Variants in TERF2 observed in about 807,000 individuals in gnomAD.
TERF2 encodes telomeric repeat binding factor 2.
A neutral mutation model predicts 56.1 loss-of-function variants in TERF2; 16 were observed. The ratio of observed to expected loss-of-function variants is 0.29; its 90% CI spans 0.19 to 0.43. The LOEUF is 0.43. Ranked by LOEUF, TERF2 falls within the 20% of genes least tolerant of loss-of-function variation. The pLI is 1.00. For missense variants in TERF2, 547 were observed against 712.9 expected, an observed-to-expected ratio of 0.77 and a Z score of 2.65; for synonymous variants, 296 against 282.1, an observed-to-expected ratio of 1.05 and a Z score of -0.50.
chr16:69,365,320 G>C (rs1270248309), intron 7 of TERF2: 2 of 152,248 alleles, frequency 1.3e-5, no homozygotes, highest in African/African-American at 2.4e-5. Flanking sequence ...CATACAAGTA[G>C]TGGTGACATA....
At chr16:69,374,499 G>T (rs1458830344) in intron 3 of TERF2, among the ~76,000 whole-genome samples, 1 of 151,592 alleles carries the variant, frequency 6.6e-6, no homozygotes, top group East Asian at 1.9e-4. Flanking sequence ...GCGTGTGCCT[G>T]TGGTCCTAGC....
chr16:69,379,835 A>G (rs1278623320), intron 3 of TERF2, among the ~76,000 whole-genome samples: 1 of 152,206 alleles, frequency 6.6e-6, no homozygotes, highest in Non-Finnish European at 1.5e-5. Context: ...TCTCTTTAAT[A>G]TCTGGTTTAA....
chr16:69,385,550 C>G (rs1467589529), intron 1 of TERF2, 43 bp downstream of exon 1: 2 of 1,556,476 alleles, frequency 1.3e-6, no homozygotes, highest in African/African-American at 2.7e-5. Flanking sequence ...CCCGGACCCC[C>G]TTCCCCGGCG....
chr16:69,377,762 ACTTTT>A (rs1285985032), intron 3 of TERF2, among the ~76,000 whole-genome samples: 2 of 151,760 alleles, frequency 1.3e-5, no homozygotes, highest in African/African-American at 2.4e-5. Context: ...AATATGACTG[ACTTTT>A]CTTTTTTTAC....
At chr16:69,359,713 C>A (rs1330823145) in intron 8 of TERF2, among the ~76,000 whole-genome samples, 2 of 137,238 alleles carry the variant, frequency 1.5e-5, no homozygotes, top group African/African-American at 5.6e-5. Flanking sequence ...CTCCGCCTCC[C>A]GGGTTCAAGC....
Position 69,356,333 on chromosome 16 carries a change from C to G in TERF2, c.*565G>C. Reference sequence around the variant, plus strand: ...AGCAAACCACTAAAGAAGGGAAACGCTAATGATATTCTGGCACTGCACAAG... The same window carrying G: ...AGCAAACCACTAAAGAAGGGAAACGGTAATGATATTCTGGCACTGCACAAG... On this transcript the variant is annotated 3_prime_UTR_variant, in exon 10 of 10. Coordinates refer to ENST00000254942, the MANE Select transcript of TERF2 (RefSeq NM_005652.5). 2.1e-5 allele frequency: 8 copies of G among 382,620 alleles called. No homozygotes were observed. The highest frequency in any genetic ancestry group is 1.4e-4 in the South Asian group (7 of 51,306). 23.7% of individuals were successfully genotyped at this position (382,620 alleles called of 1,614,324 possible).
At chr16:69,368,113 A>G (rs2013418925) in intron 6 of TERF2, among the ~76,000 whole-genome samples, 1 of 152,192 alleles carries the variant, frequency 6.6e-6, no homozygotes, top group Non-Finnish European at 1.5e-5. Flanking sequence ...AAAAGTACTG[A>G]GTCAATACGG....
chr16:69,358,853 T>A (rs1224883875), intron 8 of TERF2, among the ~76,000 whole-genome samples: 1 of 152,258 alleles, frequency 6.6e-6, no homozygotes, highest in South Asian at 2.1e-4. Flanking sequence ...CTAATCCCCT[T>A]AATCTTACCG....
intron 7 of TERF2, 121 bp downstream of exon 7, chr16:69,366,686 G>T: frequency 7.6e-7 from 1 of 1,320,098 alleles, no homozygotes; most frequent in Non-Finnish European, 1.0e-6. Context: ...AGTTCTAGCA[G>T]TCTGAGCAAG....
At chr16:69,371,503 A>C (rs1244747933) in intron 4 of TERF2, among the ~76,000 whole-genome samples, 1 of 149,286 alleles carries the variant, frequency 6.7e-6, no homozygotes, top group Non-Finnish European at 1.5e-5. Context: ...TCCATCTCAA[A>C]AAAAAAAAAA....
intron 4 of TERF2, among the ~76,000 whole-genome samples, chr16:69,371,539 TTGGGCATGATGATTC>T (rs2013576421): frequency 7.0e-6 from 1 of 143,322 alleles, no homozygotes; most frequent in African/African-American, 2.6e-5. Flanking sequence ...GAAGAAATGG[TTGGGCATGATGATTC>T]ACGTAATCCC....
intron 5 of TERF2, 162 bp from the exon 6 acceptor site, chr16:69,368,644 A>C (rs2013443190): frequency 1.3e-6 from 2 of 1,519,318 alleles, no homozygotes; most frequent in Admixed American, 2.0e-5. Context: ...TGTAAGACTT[A>C]TAAATCAAGC....
chr16:69,356,835 G>A lies in TERF2; in HGVS notation c.*63C>T. On this transcript the variant is annotated 3_prime_UTR_variant, in exon 10 of 10. Coordinates refer to ENST00000254942, the MANE Select transcript of TERF2 (RefSeq NM_005652.5). ...AAAAAAGAAAAAGAAAGAAAGAGCA[G>A]ACTATCAGGGGCTATTATTAGGAAC... 7.1e-7 allele frequency: 1 copy of A among 1,401,220 alleles called. No individual in the cohort carries two copies. Among genetic ancestry groups the A allele is most frequent in the Non-Finnish European group, 9.6e-7 (1 of 1,037,796 alleles). The allele number at this position is 1,401,220 out of a possible 1,614,324, so 86.8% of individuals were successfully genotyped here.
Position 69,356,707 on chromosome 16 carries a change from G to A in TERF2, c.*191C>T. 1.8e-6 allele frequency: 1 copy of A among 543,944 alleles called. No homozygotes were observed. Among genetic ancestry groups the A allele is most frequent in the Non-Finnish European group, 3.0e-6 (1 of 330,028 alleles). 33.7% of individuals were successfully genotyped at this position (543,944 alleles called of 1,614,324 possible). ...CCCAGCTACTCGGGAGGCTGAGGCA[G>A]GAGAATGGCGTGAGCCCGGGAGACG... On this transcript the variant is annotated 3_prime_UTR_variant, in exon 10 of 10. Transcript: ENST00000254942.
chr16:69,359,283 T>G (rs2013036627), intron 8 of TERF2, among the ~76,000 whole-genome samples: 2 of 152,192 alleles, frequency 1.3e-5, no homozygotes, highest in Non-Finnish European at 2.9e-5. Context: ...ATCCCAGCAC[T>G]TTGGGAGGCC....
At chr16:69,375,010 T>TA (rs1334476187) in intron 3 of TERF2, among the ~76,000 whole-genome samples, 14 of 152,116 alleles carry the variant, frequency 9.2e-5, no homozygotes, top group African/African-American at 3.4e-4. Context: ...ACTTTTTTTT[T>TA]AAAGGATGTA....
intron 3 of TERF2, among the ~76,000 whole-genome samples, chr16:69,381,643 G>C (rs1304931016): frequency 6.6e-6 from 1 of 151,840 alleles, no homozygotes; most frequent in African/African-American, 2.4e-5. Flanking sequence ...ACCACACCCA[G>C]CTAATTTTTT....
chr16:69,368,314 G>A (rs1013444992), intron 6 of TERF2, 62 bp downstream of exon 6: 13 of 1,501,820 alleles, frequency 8.7e-6, no homozygotes, highest in South Asian at 3.4e-5. Flanking sequence ...GCCTAAGGAG[G>A]AGACTGCTTC....
chr16:69,368,108 T>C (rs185142327), intron 6 of TERF2, among the ~76,000 whole-genome samples: 7 of 152,268 alleles, frequency 4.6e-5, no homozygotes, highest in Admixed American at 1.3e-4. Flanking sequence ...ACAAGAAAAG[T>C]ACTGAGTCAA....
Sources: gnomAD v4.1 joint callset for allele counts (sites outside exome capture counted in the v4.1 genomes callset) on GRCh38, gnomAD v4.1.1 for gene constraint, MANE v1.5 for transcripts, NCBI Gene and HGNC (gene_info 2026-07-23, HGNC 2026-07-21) for gene names.